The following GLIS3 variants were observed in gnomAD, a reference collection of about 807,000 sequenced individuals.
The protein encoded by GLIS3 is zinc finger protein GLIS3.
In GLIS3, 53 loss-of-function variants were observed where a neutral mutation model predicts 78.6. The observed-to-expected ratio is 0.67, with a 90% CI of 0.54 to 0.85. The LOEUF (loss-of-function observed/expected upper bound fraction) is 0.85. Ranked by LOEUF, GLIS3 falls within the 40% of genes least tolerant of loss-of-function variation. The pLI is 0.00. For missense variants in GLIS3, 1,703 were observed against 1,231.1 expected (o/e 1.38, Z -5.74); for synonymous variants, 684 against 509.9 (o/e 1.34, Z -4.60).
At chr9:4,377,647 T>C in the GLIS3 span, among the ~76,000 whole-genome samples, 2 of 152,138 alleles carry the variant, frequency 1.3e-5, no homozygotes, top group South Asian at 2.1e-4. Context: ...GATTCTATTA[T>C]GAAATGTAGG....
At chr9:4,356,204 C>G in the GLIS3 span, among the ~76,000 whole-genome samples, 1 of 152,152 alleles carries the variant, frequency 6.6e-6, no homozygotes, top group Non-Finnish European at 1.5e-5. Context: ...GGACCTCTTT[C>G]TTTCATTTCA....
At chr9:4,195,357 G>A (rs1818722358) in intron 2 of GLIS3, among the ~76,000 whole-genome samples, 1 of 152,198 alleles carries the variant, frequency 6.6e-6, no homozygotes, top group Admixed American at 6.5e-5. Flanking sequence ...CGCGAGTTCT[G>A]GGTGGGCGTG....
rs369063136 is a variant in GLIS3 at position 3,905,140 on chromosome 9, A to ATTTTTTTTTTTTTTTTT, written c.1984-6306_1984-6305insAAAAAAAAAAAAAAAAA. ...GGCGCCTGCCGCCACGCCCGGTTAA[A>ATTTTTTTTTTTTTTTTT]TTTTTTTCTTTTTTTTTTTTTTGCT... On this transcript the variant is annotated intron_variant, in intron 6 of 10. Coordinates refer to ENST00000381971, the MANE Select transcript of GLIS3 (RefSeq NM_001042413.2). Among the ~76,000 whole-genome samples the ATTTTTTTTTTTTTTTTT allele has an allele frequency of 3.7e-5, 4 of 109,110 alleles. 1 individual carries two copies. The highest frequency in any genetic ancestry group is 1.4e-4 in the African/African-American group (4 of 29,084). The allele number at this position is 109,110 out of a possible 152,430, so 71.6% of individuals were successfully genotyped here.
chr9:3,851,729 C>A (rs1374932946), intron 9 of GLIS3, among the ~76,000 whole-genome samples: 1 of 151,836 alleles, frequency 6.6e-6, no homozygotes, highest in South Asian at 2.1e-4. Context: ...TGTAACCCTT[C>A]ATAGCTCTCT....
intron 2 of GLIS3, among the ~76,000 whole-genome samples, chr9:4,244,720 G>A (rs1823637539): frequency 6.6e-6 from 1 of 151,940 alleles, no homozygotes; most frequent in African/African-American, 2.4e-5. Flanking sequence ...GATTAGAGGT[G>A]TCCGCCACCA....
At chr9:3,894,852 T>C (rs1044853525) in intron 7 of GLIS3, among the ~76,000 whole-genome samples, 1 of 152,216 alleles carries the variant, frequency 6.6e-6, no homozygotes, top group Non-Finnish European at 1.5e-5. Context: ...CTTCTTCTCG[T>C]AGATTTCTCT....
At chr9:4,124,099 G>A (rs1832388720) in intron 3 of GLIS3, among the ~76,000 whole-genome samples, 1 of 151,834 alleles carries the variant, frequency 6.6e-6, no homozygotes, top group South Asian at 2.1e-4. Flanking sequence ...CACAAACCAA[G>A]GCTCACAAAT....
At chr9:4,100,986 A>T (rs1035126227) in intron 4 of GLIS3, among the ~76,000 whole-genome samples, 2 of 152,184 alleles carry the variant, frequency 1.3e-5, no homozygotes, top group Non-Finnish European at 2.9e-5. Context: ...GGAGGAAGGA[A>T]CTGGGCTGGG....
chr9:4,292,364 T>C (rs538601984), intron 1 of GLIS3, among the ~76,000 whole-genome samples: 1 of 152,300 alleles, frequency 6.6e-6, no homozygotes, highest in Admixed American at 6.5e-5. Context: ...TGTATGCATA[T>C]ACATCTTCTG....
intron 4 of GLIS3, among the ~76,000 whole-genome samples, chr9:4,022,120 A>G (rs1822936694): frequency 6.6e-6 from 1 of 152,240 alleles, no homozygotes; most frequent in South Asian, 2.1e-4. Context: ...TGTTAGGACC[A>G]TTAGATAGAA....
the GLIS3 span, among the ~76,000 whole-genome samples, chr9:4,454,154 A>T: frequency 9.5e-4 from 132 of 138,604 alleles, 2 homozygotes; most frequent in Admixed American, 1.2e-3. Flanking sequence ...TGATGATAAA[A>T]AAAAAAAAAA....
intron 3 of GLIS3, 147 bp from the exon 4 acceptor site, chr9:4,119,028 T>A (rs999502813): frequency 1.2e-6 from 1 of 866,634 alleles, no homozygotes; most frequent in African/African-American, 1.7e-5. Context: ...ATTCTTGGGC[T>A]AAGATAAAAT....
intron 4 of GLIS3, among the ~76,000 whole-genome samples, chr9:4,014,422 T>C (rs952975571): frequency 6.6e-5 from 10 of 152,158 alleles, no homozygotes; most frequent in African/African-American, 1.9e-4. Context: ...GGAGGTCATA[T>C]TGAAGTAGGG....
chr9:3,975,204 CCA>C (rs1202139264), intron 4 of GLIS3: 1 of 152,038 alleles, frequency 6.6e-6, no homozygotes, highest in African/African-American at 2.4e-5. Context: ...GGAGACAAGC[CCA>C]TTCTAAACTA....
chr9:4,365,255 A>G, the GLIS3 span, among the ~76,000 whole-genome samples: 1 of 152,202 alleles, frequency 6.6e-6, no homozygotes, highest in Admixed American at 6.5e-5. Context: ...GAGAAAGTTC[A>G]TATGCAAATT....
chr9:4,094,071 G>C (rs1478175130), intron 4 of GLIS3, among the ~76,000 whole-genome samples: 1 of 152,048 alleles, frequency 6.6e-6, no homozygotes, highest in Non-Finnish European at 1.5e-5. Context: ...TCTGTTCCGT[G>C]GATGCTTCCC....
chr9:4,227,357 T>G (rs1202401974), intron 2 of GLIS3, among the ~76,000 whole-genome samples: 2 of 150,662 alleles, frequency 1.3e-5, no homozygotes, highest in African/African-American at 4.9e-5. Flanking sequence ...ATGATAGCCT[T>G]GAAAGGAAAA....
At chr9:4,429,714 C>T in the GLIS3 span, among the ~76,000 whole-genome samples, 1 of 152,126 alleles carries the variant, frequency 6.6e-6, no homozygotes, top group Non-Finnish European at 1.5e-5. Flanking sequence ...ATTGAATCCC[C>T]AGCTCTGTGT....
chr9:4,240,822 T>A (rs1404802381), intron 2 of GLIS3, among the ~76,000 whole-genome samples: 2 of 152,044 alleles, frequency 1.3e-5, no homozygotes, highest in Non-Finnish European at 1.5e-5. Context: ...TTTACCTGTG[T>A]AACAAACCTG....
Sources: allele counts gnomAD v4.1 joint callset (sites outside exome capture counted in the v4.1 genomes callset), GRCh38; gene constraint gnomAD v4.1.1; transcripts MANE v1.5; gene names NCBI Gene and HGNC (gene_info 2026-07-23, HGNC 2026-07-21).